The following MOCOS variants were observed in gnomAD, a reference collection of about 807,000 sequenced individuals.
MOCOS encodes human molybdenum cofactor sulfurase.
Under a neutral mutation model 83.6 loss-of-function variants are expected in MOCOS, and 86 were observed. The ratio of observed to expected loss-of-function variants is 1.03; its 90% CI spans 0.86 to 1.23. MOCOS has a LOEUF of 1.23. Among genes scored for constraint, MOCOS ranks in the 50% most tolerant of loss-of-function variants. The pLI is 0.00. For missense variants in MOCOS, 1,120 were observed against 1,126.9 expected, an observed-to-expected ratio of 0.99 and a Z score of 0.09; for synonymous variants, 445 against 434.7, an observed-to-expected ratio of 1.02 and a Z score of -0.29.
Position 36,213,398 on chromosome 18 carries a change from C to T in MOCOS, c.1251C>T (p.His417=), listed in dbSNP as rs777141955. 19 of 1,614,044 alleles carry T rather than the reference C, an allele frequency of 1.2e-5. No homozygotes were observed. The highest frequency in any genetic ancestry group is 1.6e-5 in the Non-Finnish European group (19 of 1,180,030). ...VDKMASLYNI[H]LRTGCFCNTG... ...AAATGGCCAGTCTTTACAACATCCA[C>T]CTGCGAACTGGCTGCTTCTGTAACA... Residue 417 remains histidine (H), a synonymous_variant, in exon 7 of 15, where the codon CAC becomes CAT. Transcript: ENST00000261326.
intron 5 of MOCOS, among the ~76,000 whole-genome samples, chr18:36,203,957 C>G (rs978415245): frequency 6.6e-6 from 1 of 152,176 alleles, no homozygotes; most frequent in South Asian, 2.1e-4. Context: ...GTGACAGTGT[C>G]TAACAGGTCC....
intron 2 of MOCOS, 118 bp downstream of exon 2, chr18:36,195,464 C>G (rs755859830): frequency 4.1e-6 from 4 of 969,694 alleles, no homozygotes; most frequent in Non-Finnish European, 6.4e-6. Flanking sequence ...CTGAATAAGC[C>G]CCATGTAAGA....
chr18:36,231,420 C>A (rs2091537226), intron 9 of MOCOS, among the ~76,000 whole-genome samples: 1 of 152,182 alleles, frequency 6.6e-6, no homozygotes, highest in Admixed American at 6.5e-5. Context: ...AGGATATTAA[C>A]ATACATTAAT....
chr18:36,269,676 G>A lies in MOCOS; in HGVS notation c.*991G>A, dbSNP rs1050670236. 8 of 152,304 alleles carry A rather than the reference G, an allele frequency of 5.3e-5. No individual in the cohort carries two copies. The highest frequency in any genetic ancestry group is 1.9e-4 in the African/African-American group (8 of 41,472). 9.4% of individuals were successfully genotyped at this position (152,304 alleles called of 1,614,324 possible). A position where few individuals can be genotyped will look rare whatever the true frequency, so the allele number is the denominator to read the frequency against. On this transcript the variant is annotated 3_prime_UTR_variant, in exon 15 of 15. Transcript: ENST00000261326. ...ACCCTGTCCTCTGGAGCAATGCAGA[G>A]TGAGTACATCCACTCCACATTCATT... is the stretch of plus-strand genomic sequence containing the variant.
rs758451365 is a variant in MOCOS, at chr18:36,268,532, G to A, written c.2515-1G>A. ...TGTTGTTGTTGCTGTTTTGTTCACA[G>A]GTGAACTTTGGCATGTACCTGATGC... is the stretch of plus-strand genomic sequence containing the variant. On this transcript the variant is annotated splice_acceptor_variant, in intron 14 of 14. Coordinates refer to ENST00000261326, the MANE Select transcript of MOCOS (RefSeq NM_017947.4). LOFTEE classifies it high-confidence loss of function. The A allele has an allele frequency of 3.7e-6, 6 of 1,614,088 alleles. No homozygotes were observed. In the Admixed American group the frequency reaches 1.0e-4, roughly 27 times the overall value.
In MOCOS at chr18:36,272,157, A is replaced by G. The variant is rs889659581; in HGVS notation, c.*3472A>G. ...TAATTAAAACGTTTTGGAACAATTC[A>G]TCTCAATTTTCTTTGCTTTGTTTAA... On this transcript the variant is annotated 3_prime_UTR_variant, in exon 15 of 15. Coordinates refer to ENST00000261326, the MANE Select transcript of MOCOS (RefSeq NM_017947.4). The G allele has an allele frequency of 1.3e-5, 2 of 152,226 alleles. No individual in the cohort carries two copies. The highest frequency in any genetic ancestry group is 4.8e-5 in the African/African-American group (2 of 41,462). 9.4% of individuals were successfully genotyped at this position (152,226 alleles called of 1,614,324 possible). A position where few individuals can be genotyped will look rare whatever the true frequency, so the allele number is the denominator to read the frequency against.
chr18:36,268,382 A>C, intron 14 of MOCOS, 151 bp from the exon 15 acceptor site: 2 of 938,816 alleles, frequency 2.1e-6, no homozygotes, highest in Non-Finnish European at 3.3e-6. Flanking sequence ...GTTCCAGTGC[A>C]TTCTACTGTG....
chr18:36,258,692 A>T (rs1036093071), intron 12 of MOCOS, among the ~76,000 whole-genome samples: 2 of 152,190 alleles, frequency 1.3e-5, no homozygotes, highest in Non-Finnish European at 2.9e-5. Flanking sequence ...AATTGATTGA[A>T]GCACAAAAAA....
rs144652892 is a variant in MOCOS, at chr18:36,224,982, C to T, written c.1960+4765C>T. Among the ~76,000 whole-genome samples the T allele has an allele frequency of 1.8e-3, 277 of 152,116 alleles. 1 individual carries two copies. Among genetic ancestry groups the T allele is most frequent in the African/African-American group, 6.5e-3 (268 of 41,508 alleles). ...GCTTTATTTTGTTCATGTTTAGTTTCGATAGATAGTATGTTTCTAGGAATT... is the reference window on the plus strand; with the variant it reads ...GCTTTATTTTGTTCATGTTTAGTTTTGATAGATAGTATGTTTCTAGGAATT... On this transcript the variant is annotated intron_variant, in intron 9 of 14. Coordinates refer to ENST00000261326, the MANE Select transcript of MOCOS (RefSeq NM_017947.4).
intron 9 of MOCOS, among the ~76,000 whole-genome samples, chr18:36,236,568 T>C (rs879870150): frequency 0.019 from 2,127 of 112,794 alleles, 31 homozygotes; most frequent in South Asian, 0.04. Context: ...GGTAGTGTGA[T>C]GCCTCCAGCT....
At chr18:36,228,263 T>C (rs2091525081) in intron 9 of MOCOS, among the ~76,000 whole-genome samples, 1 of 152,194 alleles carries the variant, frequency 6.6e-6, no homozygotes, top group South Asian at 2.1e-4. Context: ...TTGTGGAAGA[T>C]AGTCTGGTGA....
intron 11 of MOCOS, among the ~76,000 whole-genome samples, chr18:36,252,822 A>G (rs1423503070): frequency 6.6e-6 from 1 of 152,224 alleles, no homozygotes; most frequent in African/African-American, 2.4e-5. Flanking sequence ...AATCCCTGAA[A>G]GTGTATGCTA....
chr18:36,243,075 G>C (rs2091589694), intron 9 of MOCOS, among the ~76,000 whole-genome samples: 1 of 152,106 alleles, frequency 6.6e-6, no homozygotes, highest in South Asian at 2.1e-4. Flanking sequence ...TTCTCAGCTT[G>C]GTCACTGTTG....
chr18:36,199,851 G>A lies in MOCOS; in HGVS notation c.468G>A (p.Val156=), dbSNP rs776474756. The A allele has an allele frequency of 4.3e-6, 7 of 1,614,140 alleles. No individual in the cohort carries two copies. The highest frequency in any genetic ancestry group is 2.2e-5 in the East Asian group (1 of 44,868). The change falls in exon 4 of 15, where the codon GTG becomes GTA. Residue 156 remains valine, a synonymous_variant. Transcript: ENST00000261326. ...CYLTDSHTSV[V]GMRNVTMAIN... The stretch of plus-strand genomic sequence containing the variant: ...TCACCGACAGCCACACCTCCGTAGT[G>A]GGTATGCGGAACGTGACCATGGCTA...
At chr18:36,214,244 CAAA>C (rs33965546) in intron 7 of MOCOS, among the ~76,000 whole-genome samples, 16 of 91,390 alleles carry the variant, frequency 1.8e-4, no homozygotes, top group Admixed American at 1.0e-3. Context: ...AACTCAGTCT[CAAA>C]AAAAAAAAAA....
chr18:36,248,868 A>C, intron 9 of MOCOS, 54 bp from the exon 10 acceptor site: 1 of 1,434,552 alleles, frequency 7.0e-7, no homozygotes, highest in African/African-American at 1.4e-5. Flanking sequence ...TTTGAAGTCA[A>C]GTAGCTGTTG....
rs1229575230 is a variant in MOCOS, at chr18:36,215,511, C to T, written c.1336-5C>T. 1 of 1,613,326 alleles carries T rather than the reference C, an allele frequency of 6.2e-7. No homozygotes were observed. Among genetic ancestry groups the T allele is most frequent in the East Asian group, 2.2e-5 (1 of 44,884 alleles). On this transcript the variant is annotated splice_polypyrimidine_tract_variant and splice_region_variant and intron_variant, in intron 7 of 14. Transcript: ENST00000261326. The stretch of plus-strand genomic sequence containing the variant: ...TCTGGCTGATGCACTTCCCTCTTAT[C>T]CTAGGCTGGTCATGTCTGTGGGGAC...
intron 8 of MOCOS, 66 bp downstream of exon 8, chr18:36,216,043 T>C: frequency 4.1e-6 from 6 of 1,463,292 alleles, no homozygotes; most frequent in Non-Finnish European, 5.6e-6. Context: ...TTTGATAAAG[T>C]GAAGAAAAGC....
chr18:36,219,234 C>T (rs1267840415), intron 8 of MOCOS, among the ~76,000 whole-genome samples: 2 of 151,824 alleles, frequency 1.3e-5, no homozygotes, highest in Non-Finnish European at 2.9e-5. Context: ...GTCGCCCAGG[C>T]TGGAGTGCAA....
Sources: allele counts gnomAD v4.1 joint callset (sites outside exome capture counted in the v4.1 genomes callset), GRCh38; gene constraint gnomAD v4.1.1; transcripts MANE v1.5; gene names NCBI Gene and HGNC (gene_info 2026-07-23, HGNC 2026-07-21).